The following LBH variants were observed in gnomAD, a reference collection of about 807,000 sequenced individuals.
LBH encodes protein LBH.
In LBH, 7 loss-of-function variants were observed where a neutral mutation model predicts 12.5. That is an observed-to-expected ratio of 0.56 (90% CI 0.32 to 1.05). The LOEUF (loss-of-function observed/expected upper bound fraction) is 1.05. LBH is among the 50% of genes least tolerant of loss of function. The pLI is 0.04. For synonymous variants in LBH, 51 were observed against 50.1 expected (o/e 1.02, Z -0.08); for missense variants, 119 against 138.9 (o/e 0.86, Z 0.72).
chr2:30,234,311 G>A, intron 1 of LBH, 94 bp from the exon 2 acceptor site: 1 of 973,800 alleles, frequency 1.0e-6, no homozygotes, highest in Non-Finnish European at 1.7e-6. Flanking sequence ...CCTGTCTCCA[G>A]ACAGTCCCCT....
At chr2:30,254,314 CTCTCTG>C (rs930551720) in intron 2 of LBH, among the ~76,000 whole-genome samples, 162 of 152,274 alleles carry the variant, frequency 1.1e-3, no homozygotes, top group African/African-American at 3.6e-3. Flanking sequence ...AATGTGGTCT[CTCTCTG>C]TCTCTGTCTC....
intron 2 of LBH, among the ~76,000 whole-genome samples, chr2:30,237,086 C>T (rs1009732436): frequency 5.9e-5 from 9 of 152,228 alleles, no homozygotes; most frequent in Non-Finnish European, 4.4e-5. Context: ...GGAGCCCCTT[C>T]CCTTTGCATG....
At chr2:30,234,564 G>T (rs1677652612) in intron 2 of LBH, 57 bp downstream of exon 2, 6 of 1,340,272 alleles carry the variant, frequency 4.5e-6, no homozygotes, top group African/African-American at 1.4e-5. Context: ...TTTGCTGGGG[G>T]TGAGGACAGA....
chr2:30,255,177 G>T (rs772525040), intron 2 of LBH, among the ~76,000 whole-genome samples: 43 of 152,338 alleles, frequency 2.8e-4, no homozygotes, highest in Non-Finnish European at 4.6e-4. Context: ...CCTCCATCGG[G>T]GTCCCTCTCA....
In LBH at chr2:30,257,540, G is replaced by A. The variant is rs760605413; in HGVS notation, c.237G>A (p.Arg79=). ...GGGAGGTGGAGAGCGGGGAGCTCCG[G>A]TGGCCCCCTGAGGAGTTCCTGGTCC... ...TEGEVESGEL[R]WPPEEFLVQE... is the part of the protein sequence containing the mutation. The change falls in exon 3 of 3, where the codon CGG becomes CGA. Residue 79 remains arginine, a synonymous_variant. Transcript: ENST00000395323. The A allele has an allele frequency of 2.5e-6, 4 of 1,614,204 alleles. No homozygotes were observed. Among genetic ancestry groups the A allele is most frequent in the South Asian group, 2.2e-5 (2 of 91,082 alleles).
Position 30,258,523 on chromosome 2 carries a change from G to A in LBH, c.*902G>A, listed in dbSNP as rs1678125669. On this transcript the variant is annotated 3_prime_UTR_variant, in exon 3 of 3. Coordinates refer to ENST00000395323, the MANE Select transcript of LBH (RefSeq NM_030915.4). ...CTTAACTGCTGCCCTTCCAAGACTT[G>A]CTCCCGAGATGGAGTGGGCGTGGTC... 6.5e-6 allele frequency: 1 copy of A among 152,830 alleles called. No homozygotes were observed. The highest frequency in any genetic ancestry group is 1.5e-5 in the Non-Finnish European group (1 of 68,458). The allele number at this position is 152,830 out of a possible 1,614,324, so 9.5% of individuals were successfully genotyped here.
At chr2:30,247,856 G>T (rs1677902444) in intron 2 of LBH, among the ~76,000 whole-genome samples, 1 of 152,194 alleles carries the variant, frequency 6.6e-6, no homozygotes. Flanking sequence ...GCCAAGTATG[G>T]TTTGCTGCCA....
At chr2:30,246,802 TCA>T (rs1558388543) in intron 2 of LBH, among the ~76,000 whole-genome samples, 2 of 142,942 alleles carry the variant, frequency 1.4e-5, no homozygotes, top group African/African-American at 2.5e-5. Flanking sequence ...CCTTCCTCAC[TCA>T]CTCCCTCCCT....
chr2:30,234,479 G>C lies in LBH; in HGVS notation c.101G>C (p.Ser34Thr). The change falls in exon 2 of 3, where the codon AGC becomes ACC. Residue 34 changes from serine to threonine, a missense_variant. By Grantham distance (58) the Ser-to-Thr change is moderately conservative. Coordinates refer to ENST00000395323, the MANE Select transcript of LBH (RefSeq NM_030915.4). ...CAGCCCATGGAGGAGATCGGCCTCAGCCCCCGCAAGGATGGCCTTTCCTAC... is the reference window on the plus strand; with the variant it reads ...CAGCCCATGGAGGAGATCGGCCTCACCCCCCGCAAGGATGGCCTTTCCTAC... ...NTQPMEEIGLSPRKDGLSYQI... is the reference protein window; with the variant it reads ...NTQPMEEIGLTPRKDGLSYQI... 1.2e-6 allele frequency: 2 copies of C among 1,614,000 alleles called. No individual in the cohort carries two copies. The highest frequency in any genetic ancestry group is 1.7e-6 in the Non-Finnish European group (2 of 1,179,878).
intron 2 of LBH, among the ~76,000 whole-genome samples, chr2:30,240,633 G>A (rs1677774766): frequency 6.6e-6 from 1 of 152,150 alleles, no homozygotes; most frequent in Non-Finnish European, 1.5e-5. Flanking sequence ...CTGGGCTGAG[G>A]GAGGGCCCCT....
Position 30,257,579 on chromosome 2 carries a change from A to G in LBH, c.276A>G (p.Gln92=), listed in dbSNP as rs1060673. 12,609 of 1,613,980 alleles carry G rather than the reference A, an allele frequency of 7.8e-3. 802 individuals carry two copies. The African/African-American group carries it at 0.14, about 18-fold the overall frequency. Residue 92 remains glutamine, a synonymous_variant, in exon 3 of 3, where the codon CAA becomes CAG. Coordinates refer to ENST00000395323, the MANE Select transcript of LBH (RefSeq NM_030915.4). ...AGTTCCTGGTCCAGGAGGATGAGCA[A>G]GATAACTGCGAAGAGACAGCGAAAG... is the stretch of plus-strand genomic sequence containing the variant. ...PEEFLVQEDE[Q]DNCEETAKEN...
chr2:30,254,293 A>G, intron 2 of LBH, among the ~76,000 whole-genome samples: 1 of 152,190 alleles, frequency 6.6e-6, no homozygotes, highest in East Asian at 1.9e-4. Flanking sequence ...TACTGCAACA[A>G]AAGCTATGTG....
chr2:30,232,283 G>A (rs1244582277), intron 1 of LBH: 1 of 1,482,972 alleles, frequency 6.7e-7, no homozygotes, highest in Non-Finnish European at 9.0e-7. Flanking sequence ...CCCCACTAAA[G>A]CCACAAGCAG....
At chr2:30,240,560 C>T (rs374785640) in intron 2 of LBH, among the ~76,000 whole-genome samples, 3 of 152,312 alleles carry the variant, frequency 2.0e-5, no homozygotes, top group African/African-American at 7.2e-5. Flanking sequence ...CTGCCCTTCC[C>T]TTGTCCTCAA....
At chr2:30,232,058 C>G (rs1196043171) in intron 1 of LBH, 28 of 1,463,898 alleles carry the variant, frequency 1.9e-5, no homozygotes, top group Middle Eastern at 3.7e-4. Flanking sequence ...TGAATCCCCC[C>G]CAATGAAACC....
intron 2 of LBH, among the ~76,000 whole-genome samples, chr2:30,238,670 A>G (rs569270624): frequency 3.5e-4 from 54 of 152,156 alleles, no homozygotes; most frequent in African/African-American, 1.3e-3. Context: ...AGTGCTTTCT[A>G]TGGTAGGGAA....
At chr2:30,256,823 G>T (rs1231853089) in intron 2 of LBH, 1 of 156,180 alleles carries the variant, frequency 6.4e-6, no homozygotes, top group Non-Finnish European at 1.4e-5. Flanking sequence ...ACCAGGCCCA[G>T]CCCAGACCCA....
chr2:30,254,098 G>A (rs142970134), intron 2 of LBH, among the ~76,000 whole-genome samples: 14 of 152,112 alleles, frequency 9.2e-5, no homozygotes, highest in Admixed American at 2.0e-4. Flanking sequence ...AGTAGTCCCC[G>A]TTATCTCTGG....
rs919276487 is a variant in LBH at position 30,231,595 on chromosome 2, G to A, written c.-144G>A. ...CCTTGCCGACGTCGCTAGCCGTGGG[G>A]CTGTCCTGGGAAGGCGGACGGCGAG... On this transcript the variant is annotated 5_prime_UTR_variant, in exon 1 of 3. Coordinates refer to ENST00000395323, the MANE Select transcript of LBH (RefSeq NM_030915.4). 5.4e-6 allele frequency: 4 copies of A among 744,546 alleles called. No individual in the cohort carries two copies. Among genetic ancestry groups the A allele is most frequent in the East Asian group, 6.1e-5 (2 of 32,884 alleles). 46.1% of individuals were successfully genotyped at this position (744,546 alleles called of 1,614,324 possible). A position where few individuals can be genotyped will look rare whatever the true frequency, so the allele number is the denominator to read the frequency against.
Sources: allele counts gnomAD v4.1 joint callset (sites outside exome capture counted in the v4.1 genomes callset), GRCh38; gene constraint gnomAD v4.1.1; transcripts MANE v1.5; gene names NCBI Gene and HGNC (gene_info 2026-07-23, HGNC 2026-07-21).